Variants in PTPRE observed in about 807,000 individuals in gnomAD.
The protein encoded by PTPRE is receptor-type tyrosine-protein phosphatase epsilon.
In PTPRE, 51 loss-of-function variants were observed where a neutral mutation model predicts 102.0. That is an observed-to-expected ratio of 0.50 (90% confidence interval 0.40 to 0.63). The LOEUF (loss-of-function observed/expected upper bound fraction) is 0.63, where lower values mean the gene tolerates loss of function less well. Ranked by LOEUF, PTPRE falls within the 30% of genes least tolerant of loss-of-function variation. The probability of loss-of-function intolerance (pLI) is 0.00; values close to 1 mark genes in which losing one functional copy is unlikely to be tolerated. For missense variants in PTPRE, 752 were observed against 915.1 expected (o/e 0.82, Z 2.30); for synonymous variants, 345 against 348.2 (o/e 0.99, Z 0.10).
intron 16 of PTPRE, 105 bp from the exon 17 acceptor site, chr10:128,073,232 G>C: frequency 6.7e-7 from 1 of 1,481,834 alleles, no homozygotes; most frequent in Non-Finnish European, 9.2e-7. Flanking sequence ...TGGAGGATGA[G>C]AGAGTTTTCC....
Position 127,944,494 on chromosome 10 carries a change from GGATGGA to G in PTPRE, c.-31+37186_-31+37191del, listed in dbSNP as rs1848483252. Reference sequence around the variant, plus strand: ...CGGATGGATGGATGGATGGATGGATGGATGGATGGATGGATGGATGGGTGGATGGAT... The same window carrying G: ...CGGATGGATGGATGGATGGATGGATGTGGATGGATGGATGGGTGGATGGAT... On this transcript the variant is annotated intron_variant, in intron 1 of 20. Coordinates refer to ENST00000254667, the MANE Select transcript of PTPRE (RefSeq NM_006504.6). This position sits in a 1 kb window ranked among gnomAD's most constrained non-coding sequence, Gnocchi z 4.2. Among the ~76,000 whole-genome samples the G allele has an allele frequency of 4.6e-5, 4 of 86,384 alleles. No individual in the cohort carries two copies. Among genetic ancestry groups the G allele is most frequent in the Non-Finnish European group, 9.9e-5 (4 of 40,328 alleles). 56.7% of individuals were successfully genotyped at this position (86,384 alleles called of 152,430 possible).
chr10:127,954,392 G>A (rs1849252690), intron 1 of PTPRE, among the ~76,000 whole-genome samples: 1 of 152,198 alleles, frequency 6.6e-6, no homozygotes, highest in Non-Finnish European at 1.5e-5. Context: ...GAAAGGGGCA[G>A]TGTTTTTTCC....
At chr10:127,958,701 T>C (rs1017828015) in intron 1 of PTPRE, among the ~76,000 whole-genome samples, 4 of 152,164 alleles carry the variant, frequency 2.6e-5, no homozygotes, top group Non-Finnish European at 4.4e-5. Context: ...GAGGGTAATA[T>C]GGGCATCATA....
At chr10:127,991,030 A>T (rs1003519961) in intron 2 of PTPRE, among the ~76,000 whole-genome samples, 15 of 152,282 alleles carry the variant, frequency 9.9e-5, no homozygotes, top group African/African-American at 2.6e-4. Flanking sequence ...GTGATGGTTT[A>T]TGTTGCTAGA....
intron 3 of PTPRE, among the ~76,000 whole-genome samples, chr10:128,045,269 A>G (rs1224023512): frequency 6.6e-6 from 1 of 152,160 alleles, no homozygotes; most frequent in African/African-American, 2.4e-5. Flanking sequence ...GGAAGTACCC[A>G]TGTCTGTGAC....
At chr10:128,075,671 A>G (rs987267057) in intron 17 of PTPRE, among the ~76,000 whole-genome samples, 10 of 152,258 alleles carry the variant, frequency 6.6e-5, no homozygotes, top group Non-Finnish European at 1.0e-4. Flanking sequence ...ATTCATCTAC[A>G]TACCTAGTAT....
chr10:127,991,714 C>T (rs1852678801), intron 2 of PTPRE, among the ~76,000 whole-genome samples: 1 of 152,192 alleles, frequency 6.6e-6, no homozygotes, highest in African/African-American at 2.4e-5. Flanking sequence ...TCAGGTGTTT[C>T]CCTACAGTGT....
chr10:127,969,653 C>A lies in PTPRE; in HGVS notation c.-30-12621C>A, dbSNP rs560888846. Among the ~76,000 whole-genome samples the A allele has an allele frequency of 1.1e-3, 146 of 131,178 alleles. 1 individual carries two copies. The highest frequency in any genetic ancestry group is 1.6e-3 in the Non-Finnish European group (107 of 65,132). 86.1% of individuals were successfully genotyped at this position (131,178 alleles called of 152,430 possible). On this transcript the variant is annotated intron_variant, in intron 1 of 20. Transcript: ENST00000254667. ...ACTGCACTCCACCCTGGCAACAGAG[C>A]GATACTCTGCCTAAAAAGAAAAAAA...
intron 1 of PTPRE, among the ~76,000 whole-genome samples, chr10:127,950,818 C>T (rs114373475): frequency 0.016 from 2,481 of 152,062 alleles, 59 homozygotes; most frequent in African/African-American, 0.056. Flanking sequence ...GAAATAGGGT[C>T]GGGCAAAGTG....
At chr10:127,928,558 C>T (rs775366160) in intron 1 of PTPRE, among the ~76,000 whole-genome samples, 2 of 152,152 alleles carry the variant, frequency 1.3e-5, no homozygotes, top group African/African-American at 2.4e-5. Context: ...CTTAATTCCA[C>T]GCACCTAGAC....
At chr10:128,082,195 C>CTCTCTCTTT (rs1554951767) in intron 20 of PTPRE, among the ~76,000 whole-genome samples, 2 of 89,036 alleles carry the variant, frequency 2.2e-5, no homozygotes, top group African/African-American at 9.1e-5. Context: ...TTTTCTCTTT[C>CTCTCTCTTT]TTTTTTTTTT....
intron 1 of PTPRE, among the ~76,000 whole-genome samples, chr10:127,972,025 G>A (rs1283603006): frequency 6.6e-6 from 1 of 152,234 alleles, no homozygotes; most frequent in African/African-American, 2.4e-5. Context: ...AGATGAGTTT[G>A]GAGCCGGGTG....
At chr10:127,918,573 A>AAAAAAAAAAAAAAAG (rs1454404446) in intron 1 of PTPRE, among the ~76,000 whole-genome samples, 1 of 151,916 alleles carries the variant, frequency 6.6e-6, no homozygotes, top group African/African-American at 2.4e-5. Flanking sequence ...AAAAAAAAAA[A>AAAAAAAAAAAAAAAG]AGAGAGAAAA....
At position 128,070,220 on chromosome 10, in the gene PTPRE, C is replaced by T; in HGVS notation, c.1144-81C>T. 1 of 1,474,160 alleles carries T rather than the reference C, an allele frequency of 6.8e-7. No homozygotes were observed. The highest frequency in any genetic ancestry group is 1.4e-5 in the South Asian group (1 of 73,560). 91.3% of individuals were successfully genotyped at this position (1,474,160 alleles called of 1,614,324 possible). A position where few individuals can be genotyped will look rare whatever the true frequency, so the allele number is the denominator to read the frequency against. Reference sequence around the variant, plus strand: ...AAAAAGAGAAAAAGAAGAAAGCCGCCCTCTTTGGTCTGCCAAGCTCCACGT... The same window carrying T: ...AAAAAGAGAAAAAGAAGAAAGCCGCTCTCTTTGGTCTGCCAAGCTCCACGT... On this transcript the variant is annotated intron_variant, in intron 13 of 20. Transcript: ENST00000254667. This position sits in a 1 kb window ranked among gnomAD's most constrained non-coding sequence, Gnocchi z 4.8.
At chr10:128,076,163 G>C (rs1414901038) in intron 17 of PTPRE, among the ~76,000 whole-genome samples, 1 of 152,130 alleles carries the variant, frequency 6.6e-6, no homozygotes, top group African/African-American at 2.4e-5. Flanking sequence ...TCACAGTTTT[G>C]TTTTTTACCT....
chr10:128,008,146 T>G lies in PTPRE; in HGVS notation c.-8+25850T>G, dbSNP rs140088357. Among the ~76,000 whole-genome samples the G allele has an allele frequency of 0.01, 1,526 of 152,252 alleles. 35 individuals carry two copies. The highest frequency in any genetic ancestry group is 0.034 in the Middle Eastern group (10 of 294). ...TGCAGAGTCCCCTGCCCAGGGTACATGCCCCTGGGAAAACTGCCCAAGGGA... is the reference window on the plus strand; with the variant it reads ...TGCAGAGTCCCCTGCCCAGGGTACAGGCCCCTGGGAAAACTGCCCAAGGGA... On this transcript the variant is annotated intron_variant, in intron 2 of 20. Transcript: ENST00000254667. The surrounding 1 kb of genome is among the most constrained non-coding windows in gnomAD (Gnocchi z 4.0).
At chr10:127,967,257 G>T (rs552439500) in intron 1 of PTPRE, among the ~76,000 whole-genome samples, 12 of 152,314 alleles carry the variant, frequency 7.9e-5, no homozygotes, top group African/African-American at 2.9e-4. Context: ...CTCCAAAATA[G>T]TAGCTCAAGC....
At chr10:127,934,304 T>C (rs1847669132) in intron 1 of PTPRE, 1 of 152,118 alleles carries the variant, frequency 6.6e-6, no homozygotes, top group African/African-American at 2.4e-5. Flanking sequence ...GTGAACCTTG[T>C]TGTATTAAGG....
intron 2 of PTPRE, among the ~76,000 whole-genome samples, chr10:128,005,140 C>T (rs1282858777): frequency 1.3e-5 from 2 of 152,202 alleles, no homozygotes; most frequent in African/African-American, 4.8e-5. Flanking sequence ...CTACTACGTC[C>T]TTACGACATA....
Sources: gnomAD v4.1 joint callset for allele counts (sites outside exome capture counted in the v4.1 genomes callset) on GRCh38, gnomAD v4.1.1 for gene constraint, Gnocchi (gnomAD v3.1) non-coding constraint, MANE v1.5 for transcripts, NCBI Gene and HGNC (gene_info 2026-07-23, HGNC 2026-07-21) for gene names.